MPHOSPH9: variants seen among roughly 807,000 people sequenced by gnomAD.
MPHOSPH9 encodes M-phase phosphoprotein 9.
Under a neutral mutation model 145.5 loss-of-function variants are expected in MPHOSPH9, and 88 were observed. The observed-to-expected ratio is 0.60, with a 90% CI of 0.51 to 0.72. The LOEUF is 0.72. MPHOSPH9 is among the 30% of genes least tolerant of loss of function. The pLI is 0.00. For missense variants in MPHOSPH9, 1,238 were observed against 1,386.6 expected (o/e 0.89, Z 1.70); for synonymous variants, 435 against 486.2 (o/e 0.89, Z 1.39).
intron 12 of MPHOSPH9, among the ~76,000 whole-genome samples, chr12:123,195,794 G>A (rs1281557926): frequency 6.6e-6 from 1 of 151,202 alleles, no homozygotes; most frequent in East Asian, 2.0e-4. Context: ...GGCTCACAGC[G>A]GAAATCCCAG....
chr12:123,230,365 A>C lies in MPHOSPH9; in HGVS notation c.-1T>G, dbSNP rs1485813194. ...TTTTCACCAAGTCAAACTCTTCCAT[A>C]GTGTACAGAAATTGTTATATTCTCT... On this transcript the variant is annotated 5_prime_UTR_variant, in exon 2 of 24. Transcript: ENST00000606320. 1.3e-6 allele frequency: 2 copies of C among 1,503,032 alleles called. No individual in the cohort carries two copies. Among genetic ancestry groups the C allele is most frequent in the Non-Finnish European group, 1.8e-6 (2 of 1,121,296 alleles). The allele number at this position is 1,503,032 out of a possible 1,614,324, so 93.1% of individuals were successfully genotyped here. A position where few individuals can be genotyped will look rare whatever the true frequency, so the allele number is the denominator to read the frequency against.
Position 123,203,334 on chromosome 12 carries a change from A to C in MPHOSPH9, c.1236T>G (p.Asp412Glu). ...SNEMKLPSLK[D>E]IYYKKQRENK... ...TTTCCCTTTGTTTTTTATAATAAAT[A>C]TCCTTCAGTGACGGTAGCTTCATCT... Residue 412 changes from aspartate to glutamate, a missense_variant, in exon 9 of 24, where the codon GAT (aspartate) becomes GAG (glutamate). Physicochemically the swap from Asp to Glu is conservative, Grantham distance 45 (BLOSUM62 2). Transcript: ENST00000606320. 1 of 1,611,008 alleles carries C rather than the reference A, an allele frequency of 6.2e-7. No individual in the cohort carries two copies. The highest frequency in any genetic ancestry group is 8.5e-7 in the Non-Finnish European group (1 of 1,177,282).
Position 123,169,478 on chromosome 12 carries a change from A to G in MPHOSPH9, c.2457-2689T>C, listed in dbSNP as rs568521554. Reference sequence around the variant, plus strand: ...TGCACCACTGCACTTCAGCCTGGGCAACAGAGCGAGACTCCGTCTTAAAAA... The same window carrying G: ...TGCACCACTGCACTTCAGCCTGGGCGACAGAGCGAGACTCCGTCTTAAAAA... On this transcript the variant is annotated intron_variant, in intron 16 of 23. Coordinates refer to ENST00000606320, the MANE Select transcript of MPHOSPH9 (RefSeq NM_022782.4). Among the ~76,000 whole-genome samples, 687 of 151,556 alleles carry G rather than the reference A, an allele frequency of 4.5e-3. 2 individuals are homozygous for G. Among genetic ancestry groups the G allele is most frequent in the Non-Finnish European group, 8.1e-3 (549 of 67,874 alleles).
chr12:123,173,988 C>A (rs1254668257), intron 16 of MPHOSPH9, among the ~76,000 whole-genome samples: 1 of 152,074 alleles, frequency 6.6e-6, no homozygotes, highest in Non-Finnish European at 1.5e-5. Context: ...GGGGACTGAG[C>A]CCTCAGCTTA....
intron 13 of MPHOSPH9, among the ~76,000 whole-genome samples, chr12:123,188,645 C>T (rs886870932): frequency 3.9e-5 from 6 of 152,058 alleles, no homozygotes; most frequent in African/African-American, 1.4e-4. Flanking sequence ...GTCAGGAGAT[C>T]GAGACCACCC....
intron 1 of MPHOSPH9, among the ~76,000 whole-genome samples, chr12:123,238,959 G>T (rs1029694512): frequency 1.3e-5 from 2 of 152,064 alleles, no homozygotes; most frequent in Non-Finnish European, 2.9e-5. Flanking sequence ...TATTTAGGGG[G>T]AAAAAAGAAT....
intron 13 of MPHOSPH9, among the ~76,000 whole-genome samples, chr12:123,193,108 TACACACACACACACACAC>T (rs4044136): frequency 2.1e-5 from 2 of 94,896 alleles, no homozygotes; most frequent in East Asian, 3.4e-4. Context: ...TATATATATA[TACACACACACACACACAC>T]ACACACACAC....
At chr12:123,201,407 T>C (rs1361351248) in intron 11 of MPHOSPH9, among the ~76,000 whole-genome samples, 1 of 152,146 alleles carries the variant, frequency 6.6e-6, no homozygotes, top group Non-Finnish European at 1.5e-5. Flanking sequence ...AGAGACAGGG[T>C]GTCGCTCTGT....
At chr12:123,195,989 G>A (rs1448670190) in intron 12 of MPHOSPH9, among the ~76,000 whole-genome samples, 1 of 151,868 alleles carries the variant, frequency 6.6e-6, no homozygotes, top group African/African-American at 2.4e-5. Context: ...AAGCCATGAC[G>A]GCTCCACAGC....
At chr12:123,206,231 T>C (rs934781272) in intron 8 of MPHOSPH9, among the ~76,000 whole-genome samples, 1 of 150,166 alleles carries the variant, frequency 6.7e-6, no homozygotes, top group Non-Finnish European at 1.5e-5. Context: ...GGAGGATTGC[T>C]TGAGTCCAGG....
At chr12:123,171,776 CAT>C (rs1053556520) in intron 16 of MPHOSPH9, among the ~76,000 whole-genome samples, 3 of 151,844 alleles carry the variant, frequency 2.0e-5, no homozygotes, top group African/African-American at 4.8e-5. Flanking sequence ...AAACAAAAAA[CAT>C]ATATTATATA....
intron 13 of MPHOSPH9, among the ~76,000 whole-genome samples, chr12:123,193,650 T>C (rs565952050): frequency 6.6e-6 from 1 of 151,942 alleles, no homozygotes; most frequent in Admixed American, 6.6e-5. Context: ...TAGAAAAAAA[T>C]AAGCAACCTG....
In MPHOSPH9 at chr12:123,217,702, CACTT is replaced by C. The variant is rs536331001; in HGVS notation, c.996+670_996+673del. ...GATTTCTAGCCTACTAAAGAAGAAACACTTACAGCAAATCATTATTTCTAATCCT... is the reference window on the plus strand; with the variant it reads ...GATTTCTAGCCTACTAAAGAAGAAACACAGCAAATCATTATTTCTAATCCT... On this transcript the variant is annotated intron_variant, in intron 6 of 23. Transcript: ENST00000606320. Among the ~76,000 whole-genome samples, 21 of 152,054 alleles carry C rather than the reference CACTT, an allele frequency of 1.4e-4. No individual in the cohort carries two copies. The South Asian group carries it at 2.9e-3, about 21-fold the overall frequency.
At chr12:123,231,829 C>T (rs1716171) in intron 1 of MPHOSPH9, among the ~76,000 whole-genome samples, 96,823 of 150,874 alleles carry the variant, frequency 0.64, 35,436 homozygotes, top group East Asian at 1. Context: ...AATTCATGCA[C>T]TTATAAAAGA....
intron 12 of MPHOSPH9, among the ~76,000 whole-genome samples, chr12:123,195,276 C>G (rs2045891755): frequency 6.6e-6 from 1 of 151,924 alleles, no homozygotes; most frequent in Non-Finnish European, 1.5e-5. Flanking sequence ...TTCATACCCT[C>G]TCACTATGAA....
chr12:123,208,288 C>A (rs1047144757), intron 8 of MPHOSPH9, among the ~76,000 whole-genome samples: 5 of 151,562 alleles, frequency 3.3e-5, no homozygotes, highest in African/African-American at 1.2e-4. Context: ...GCCTGTAATT[C>A]CAGCACTTGG....
Position 123,202,151 on chromosome 12 carries a change from T to C in MPHOSPH9, c.1937+13A>G, listed in dbSNP as rs775429542. On this transcript the variant is annotated intron_variant, in intron 11 of 23. Transcript: ENST00000606320. ...AGGTGGAGAAAACTTCACAGCTAAATTATAAATTTTACCTGTCTACAAGAA... is the reference window on the plus strand; with the variant it reads ...AGGTGGAGAAAACTTCACAGCTAAACTATAAATTTTACCTGTCTACAAGAA... The C allele has an allele frequency of 1.9e-6, 3 of 1,593,812 alleles. No homozygotes were observed. Among genetic ancestry groups the C allele is most frequent in the Non-Finnish European group, 2.6e-6 (3 of 1,172,788 alleles).
chr12:123,217,074 T>A (rs2047000169), intron 6 of MPHOSPH9, among the ~76,000 whole-genome samples: 1 of 152,066 alleles, frequency 6.6e-6, no homozygotes, highest in African/African-American at 2.4e-5. Context: ...AATAATTTTT[T>A]AAAAAACCTT....
intron 13 of MPHOSPH9, 38 bp downstream of exon 13, chr12:123,194,348 C>A: frequency 8.0e-7 from 1 of 1,257,432 alleles, no homozygotes; most frequent in South Asian, 1.4e-5. Context: ...TTACTTTTAG[C>A]CAATCACGTC....
Sources: gnomAD v4.1 joint callset for allele counts (sites outside exome capture counted in the v4.1 genomes callset) on GRCh38, gnomAD v4.1.1 for gene constraint, MANE v1.5 for transcripts, NCBI Gene and HGNC (gene_info 2026-07-23, HGNC 2026-07-21) for gene names.